The following EYA1 variants were observed in gnomAD, a reference collection of about 807,000 sequenced individuals.
EYA1 encodes EYA transcriptional coactivator and phosphatase 1.
In EYA1, 16 loss-of-function variants were observed where a neutral mutation model predicts 82.0. The observed-to-expected ratio is 0.20, with a 90% CI of 0.13 to 0.30. EYA1 has a LOEUF of 0.30. Ranked by LOEUF, EYA1 falls within the 10% of genes least tolerant of loss-of-function variation. The probability of loss-of-function intolerance (pLI) is 1.00; values close to 1 mark genes in which losing one functional copy is unlikely to be tolerated. For missense variants in EYA1, 633 were observed against 730.7 expected (o/e 0.87, Z 1.54); for synonymous variants, 261 against 264.4 (o/e 0.99, Z 0.12).
chr8:71,282,562 C>T lies in EYA1; in HGVS notation c.827-10665G>A, dbSNP rs148919067. On this transcript the variant is annotated intron_variant, in intron 9 of 17. Coordinates refer to ENST00000340726, the MANE Select transcript of EYA1 (RefSeq NM_000503.6). Reference sequence around the variant, plus strand: ...CGCCACACACAGTTGATCATGGCTTCCTTCTGCAACACTTGTGTTCCTTGG... The same window carrying T: ...CGCCACACACAGTTGATCATGGCTTTCTTCTGCAACACTTGTGTTCCTTGG... Among the ~76,000 whole-genome samples, 751 of 152,316 alleles carry T rather than the reference C, an allele frequency of 4.9e-3. 4 individuals are homozygous for T. Among genetic ancestry groups the T allele is most frequent in the Non-Finnish European group, 7.4e-3 (502 of 68,020 alleles).
At chr8:71,536,771 C>T (rs1814743895) in intron 1 of EYA1, among the ~76,000 whole-genome samples, 1 of 152,102 alleles carries the variant, frequency 6.6e-6, no homozygotes, top group Non-Finnish European at 1.5e-5. Context: ...TTCAGTATCA[C>T]TTTTTATAAA....
chr8:71,487,339 G>A (rs2129220290), intron 2 of EYA1, among the ~76,000 whole-genome samples: 1 of 152,220 alleles, frequency 6.6e-6, no homozygotes, highest in South Asian at 2.1e-4. Context: ...ATCTCCAGAA[G>A]CCCTCCCAGT....
At chr8:71,284,975 T>C (rs1390211939) in intron 9 of EYA1, among the ~76,000 whole-genome samples, 3 of 152,246 alleles carry the variant, frequency 2.0e-5, no homozygotes, top group Admixed American at 6.5e-5. Context: ...TAGGTTTGGC[T>C]GTACACATAG....
intron 1 of EYA1, among the ~76,000 whole-genome samples, 189 bp downstream of exon 1, chr8:71,361,452 ATTCTAC>A (rs1827367035): frequency 6.6e-6 from 1 of 152,240 alleles, no homozygotes; most frequent in African/African-American, 2.4e-5. Context: ...GAGGTTGGGA[ATTCTAC>A]TTCTAGGATG....
rs568050550 is a variant in EYA1, at chr8:71,355,646, C to A, written c.-4-737G>T. On this transcript the variant is annotated intron_variant, in intron 2 of 17. Transcript: ENST00000340726. ...GTGGGTCCCTGCAAGCATTAGCACT[C>A]GGAATACCTCAGCTGTCACTTACTC... Among the ~76,000 whole-genome samples the A allele has an allele frequency of 4.6e-5, 7 of 152,286 alleles. No individual in the cohort carries two copies. In the East Asian group the frequency reaches 7.7e-4, roughly 17 times the overall value.
chr8:71,512,284 T>TA (rs777754186), intron 2 of EYA1, among the ~76,000 whole-genome samples: 83 of 152,076 alleles, frequency 5.5e-4, no homozygotes, highest in Non-Finnish European at 7.9e-4. Context: ...AGATGTCCAA[T>TA]AGACCAGAGC....
chr8:71,450,524 A>G (rs1055352684), intron 2 of EYA1, among the ~76,000 whole-genome samples: 3 of 152,244 alleles, frequency 2.0e-5, no homozygotes, highest in South Asian at 2.1e-4. Flanking sequence ...CTTTACAATC[A>G]GAGATCAAAA....
rs56115941 is a variant in EYA1, at chr8:71,198,016, A to G, written c.*1324T>C. Reference sequence around the variant, plus strand: ...ATGAACCTTCCTCAGGGTGACAGGAAGAAAGAGAAAATACGCACATAGGGA... The same window carrying G: ...ATGAACCTTCCTCAGGGTGACAGGAGGAAAGAGAAAATACGCACATAGGGA... On this transcript the variant is annotated 3_prime_UTR_variant, in exon 18 of 18. Coordinates refer to ENST00000340726, the MANE Select transcript of EYA1 (RefSeq NM_000503.6). 32,801 of 152,112 alleles carry G rather than the reference A, an allele frequency of 0.22. 3,769 individuals carry two copies. The highest frequency in any genetic ancestry group is 0.3 in the African/African-American group (12,283 of 41,458). The allele number at this position is 152,112 out of a possible 1,614,324, so 9.4% of individuals were successfully genotyped here. A position where few individuals can be genotyped will look rare whatever the true frequency, so the allele number is the denominator to read the frequency against.
chr8:71,261,320 C>T (rs959052036), intron 11 of EYA1, among the ~76,000 whole-genome samples: 1 of 152,090 alleles, frequency 6.6e-6, no homozygotes, highest in South Asian at 2.1e-4. Context: ...AGGTTTAAGG[C>T]CCTATCACTG....
intron 2 of EYA1, among the ~76,000 whole-genome samples, chr8:71,451,708 CT>C (rs1414305331): frequency 6.6e-6 from 1 of 152,076 alleles, no homozygotes; most frequent in Admixed American, 6.5e-5. Flanking sequence ...CATTAATTAC[CT>C]TTTCTGATTT....
rs771153559 is a variant in EYA1 at position 71,368,448 on chromosome 8, G to A, written c.34-11937C>T. Among the ~76,000 whole-genome samples, 6 of 151,984 alleles carry A rather than the reference G, an allele frequency of 3.9e-5. No homozygotes were observed. The South Asian group carries it at 6.2e-4, about 16-fold the overall frequency. ...TCCCTGCTTGTAGAGAGTGGATGCAGGGGAGTGGGTAAGCAGAAGGTGAAG... is the reference window on the plus strand; with the variant it reads ...TCCCTGCTTGTAGAGAGTGGATGCAAGGGAGTGGGTAAGCAGAAGGTGAAG... On this transcript the variant is annotated intron_variant, in intron 2 of 18. Coordinates refer to the EYA1 transcript ENST00000643681.
At chr8:71,455,607 C>G (rs140454900) in intron 2 of EYA1, among the ~76,000 whole-genome samples, 2 of 152,084 alleles carry the variant, frequency 1.3e-5, no homozygotes, top group African/African-American at 4.8e-5. Context: ...GTTCAATACA[C>G]AGAAATCAAT....
chr8:71,449,540 C>T (rs1325835144), intron 2 of EYA1, among the ~76,000 whole-genome samples: 3 of 152,222 alleles, frequency 2.0e-5, no homozygotes, highest in Non-Finnish European at 4.4e-5. Context: ...AAGCTATGGA[C>T]AGATGTTTTA....
chr8:71,401,906 G>C (rs537754922), intron 2 of EYA1, among the ~76,000 whole-genome samples: 1 of 152,076 alleles, frequency 6.6e-6, no homozygotes, highest in South Asian at 2.1e-4. Flanking sequence ...ATAAAGCCAG[G>C]CTATTAAAAT....
intron 11 of EYA1, among the ~76,000 whole-genome samples, chr8:71,267,689 C>T (rs1347089730): frequency 6.6e-6 from 1 of 152,126 alleles, no homozygotes; most frequent in East Asian, 1.9e-4. Context: ...GCTGGGACTA[C>T]AGGCACCTGC....
intron 2 of EYA1, among the ~76,000 whole-genome samples, chr8:71,521,204 T>C (rs1044994275): frequency 3.3e-5 from 5 of 152,104 alleles, no homozygotes; most frequent in African/African-American, 1.2e-4. Flanking sequence ...AGTAAATTAA[T>C]AATAATAGCA....
chr8:71,358,279 C>G (rs1008902106), intron 1 of EYA1, among the ~76,000 whole-genome samples: 1 of 152,176 alleles, frequency 6.6e-6, no homozygotes, highest in African/African-American at 2.4e-5. Context: ...AAGAATTAGT[C>G]TACCACATTT....
chr8:71,488,579 G>T (rs560328324), intron 2 of EYA1, among the ~76,000 whole-genome samples: 1 of 152,310 alleles, frequency 6.6e-6, no homozygotes, highest in African/African-American at 2.4e-5. Flanking sequence ...TATCGGTTGG[G>T]AATAAGGATG....
At chr8:71,465,894 T>A (rs1808736919) in intron 2 of EYA1, among the ~76,000 whole-genome samples, 1 of 152,026 alleles carries the variant, frequency 6.6e-6, no homozygotes. Context: ...CTATTCAAAT[T>A]ATTAGTTACC....
Sources: gnomAD v4.1 joint callset for allele counts (sites outside exome capture counted in the v4.1 genomes callset) on GRCh38, gnomAD v4.1.1 for gene constraint, MANE v1.5 for transcripts, NCBI Gene and HGNC (gene_info 2026-07-23, HGNC 2026-07-21) for gene names.